Variants in MDN1 observed in about 807,000 individuals in gnomAD.
MDN1 encodes the protein midasin.
MDN1 carries 266 observed loss-of-function variants against 669.2 expected under a neutral mutation model. The ratio of observed to expected loss-of-function variants is 0.40; its 90% confidence interval spans 0.36 to 0.44. The LOEUF is 0.44. Among genes scored for constraint, MDN1 ranks in the 20% least tolerant of loss-of-function variants. The pLI is 1.00. For missense variants in MDN1, 5,940 were observed against 6,754.0 expected, an observed-to-expected ratio of 0.88 and a Z score of 4.22; for synonymous variants, 2,385 against 2,457.1, an observed-to-expected ratio of 0.97 and a Z score of 0.87.
intron 15 of MDN1, among the ~76,000 whole-genome samples, chr6:89,767,303 A>C (rs1817848437): frequency 2.0e-5 from 3 of 152,242 alleles, no homozygotes; most frequent in South Asian, 4.1e-4. Flanking sequence ...GCCAACACTA[A>C]TCAAAAAGCA....
intron 2 of MDN1, among the ~76,000 whole-genome samples, chr6:89,795,338 C>T (rs998384050): frequency 3.3e-5 from 5 of 151,918 alleles, no homozygotes; most frequent in African/African-American, 1.2e-4. Flanking sequence ...CATACACACA[C>T]GAGTCAACTG....
In MDN1 at chr6:89,701,616, C is replaced by G; in HGVS notation, c.8369G>C (p.Gly2790Ala). The G allele has an allele frequency of 6.2e-7, 1 of 1,614,150 alleles. No individual in the cohort carries two copies. The highest frequency in any genetic ancestry group is 2.2e-5 in the East Asian group (1 of 44,886). The change falls in exon 55 of 102, where the codon GGT becomes GCT. Residue 2790 changes from glycine to alanine, a missense_variant. Gly to Ala is a moderately conservative substitution (Grantham distance 60, BLOSUM62 0). Around this residue, in one of 5 missense-constraint regions of MDN1, gnomAD observed 2,292 missense variants for 2,638.3 expected, o/e 0.87. Transcript: ENST00000369393. ...HIQNCLGSQT[G>A]GFAGIKKLQK... Reference sequence around the variant, plus strand: ...CAACTTCTTTATACCAGCGAAGCCACCAGTCTGGCTCCCCAGACAATTCTG... The same window carrying G: ...CAACTTCTTTATACCAGCGAAGCCAGCAGTCTGGCTCCCCAGACAATTCTG...
rs1406645525 is a variant in MDN1 at position 89,696,497 on chromosome 6, G to A, written c.9246C>T (p.Pro3082=). The A allele has an allele frequency of 1.2e-6, 2 of 1,614,116 alleles. No homozygotes were observed. Among genetic ancestry groups the A allele is most frequent in the Admixed American group, 3.3e-5 (2 of 60,016 alleles). The change falls in exon 60 of 102, where the codon CCC becomes CCT. Residue 3082 remains proline, a synonymous_variant. Coordinates refer to ENST00000369393, the MANE Select transcript of MDN1 (RefSeq NM_014611.3). ...GAATGGGGAGGCCACTCACATCCCA[G>A]GGACTTGCTCTCCAGCTGCTGGTTA... ...EVLTSSWRAS[P]WDVSGLPILS... is the part of the protein sequence containing the mutation.
rs749304079 is a variant in MDN1 at position 89,650,757 on chromosome 6, C to G, written c.16006G>C (p.Glu5336Gln). The change falls in exon 96 of 102, where the codon GAG becomes CAG. Residue 5336 changes from glutamate to glutamine, a missense_variant. Coordinates refer to ENST00000369393, the MANE Select transcript of MDN1 (RefSeq NM_014611.3). ...RLCEELRLIL[E>Q]PTQAAKLKGD... The stretch of plus-strand genomic sequence containing the variant: ...TTCAGCTTGGCTGCCTGGGTAGGCT[C>G]TAATATGAGACGAAGCTCTTCACAT... The G allele has an allele frequency of 3.1e-6, 5 of 1,614,028 alleles. No homozygotes were observed. The highest frequency in any genetic ancestry group is 3.4e-6 in the Non-Finnish European group (4 of 1,179,962).
rs180841817 is a variant in MDN1 at position 89,785,832 on chromosome 6, T to C, written c.1335-706A>G. On this transcript the variant is annotated intron_variant, in intron 8 of 101. Coordinates refer to ENST00000369393, the MANE Select transcript of MDN1 (RefSeq NM_014611.3). ...GTGTTTGAATCTACCAGGGAAGAAC[T>C]TCACTATCTCTATAAATAAAATCAA... is the stretch of plus-strand genomic sequence containing the variant. Among the ~76,000 whole-genome samples, 5 of 152,312 alleles carry C rather than the reference T, an allele frequency of 3.3e-5. No individual in the cohort carries two copies. In the East Asian group the frequency reaches 7.7e-4, roughly 24 times the overall value.
intron 31 of MDN1, among the ~76,000 whole-genome samples, chr6:89,741,975 C>G (rs1317049363): frequency 6.6e-6 from 1 of 151,572 alleles, no homozygotes; most frequent in Non-Finnish European, 1.5e-5. Context: ...GTGACACATG[C>G]CTGTAGTCCC....
intron 99 of MDN1, among the ~76,000 whole-genome samples, chr6:89,647,267 C>G (rs1445940985): frequency 6.6e-6 from 1 of 152,144 alleles, no homozygotes; most frequent in Admixed American, 6.5e-5. Context: ...AAAGAGAAGG[C>G]AAGAAAATAC....
chr6:89,785,236 T>C, intron 8 of MDN1, 110 bp from the exon 9 acceptor site: 1 of 728,034 alleles, frequency 1.4e-6, no homozygotes, highest in Non-Finnish European at 2.4e-6. Flanking sequence ...AAAATATTCA[T>C]AATCCCTTCT....
intron 14 of MDN1, 53 bp from the exon 15 acceptor site, chr6:89,771,674 T>C: frequency 1.4e-6 from 2 of 1,432,894 alleles, no homozygotes; most frequent in Non-Finnish European, 2.0e-6. Flanking sequence ...AGACCGATAA[T>C]ATCCAGTGTG....
At chr6:89,744,706 ACT>A (rs1469022353) in intron 29 of MDN1, among the ~76,000 whole-genome samples, 5 of 151,796 alleles carry the variant, frequency 3.3e-5, no homozygotes, top group African/African-American at 1.2e-4. Flanking sequence ...ACCAGCTGAG[ACT>A]CTGACTTTAC....
At chr6:89,789,341 A>G (rs181703569) in intron 7 of MDN1, among the ~76,000 whole-genome samples, 238 of 152,116 alleles carry the variant, frequency 1.6e-3, no homozygotes, top group African/African-American at 5.3e-3. Flanking sequence ...AGGCAAGCAC[A>G]CTCTTATTAC....
chr6:89,755,730 AGAATT>A (rs1817210670), intron 20 of MDN1, among the ~76,000 whole-genome samples: 1 of 152,216 alleles, frequency 6.6e-6, no homozygotes, highest in African/African-American at 2.4e-5. Flanking sequence ...AACCAATACT[AGAATT>A]GAGGTTGTCT....
At chr6:89,691,161 TGA>T (rs1812354487) in intron 63 of MDN1, among the ~76,000 whole-genome samples, 2 of 152,078 alleles carry the variant, frequency 1.3e-5, no homozygotes, top group South Asian at 4.1e-4. Flanking sequence ...GGGTTGGCCA[TGA>T]GAGGGTTGTG....
chr6:89,748,330 A>G (rs1278113616), intron 26 of MDN1, among the ~76,000 whole-genome samples: 1 of 152,236 alleles, frequency 6.6e-6, no homozygotes, highest in Non-Finnish European at 1.5e-5. Context: ...GTCTCAAAAA[A>G]CAAACAAAAA....
In MDN1 at chr6:89,690,684, G is replaced by A; in HGVS notation, c.10738C>T (p.Leu3580=). 1 of 1,614,048 alleles carries A rather than the reference G, an allele frequency of 6.2e-7. No homozygotes were observed. The highest frequency in any genetic ancestry group is 1.1e-5 in the South Asian group (1 of 91,058). ...CATCACTGCTCTACCTTTTCATGCA[G>A]GGGGAACTGTTTTCTGAACTCCCGT... The part of the protein sequence containing the change: ...EEREFRKQFP[L]HEKDFADILV... Residue 3580 remains leucine (L), a synonymous_variant, in exon 64 of 102, where the codon CTG becomes TTG. Coordinates refer to ENST00000369393, the MANE Select transcript of MDN1 (RefSeq NM_014611.3).
At chr6:89,670,170 A>ATATTTTTTTTT (rs1444537561) in intron 83 of MDN1, among the ~76,000 whole-genome samples, 30 of 23,396 alleles carry the variant, frequency 1.3e-3, no homozygotes, top group African/African-American at 5.4e-3. Context: ...ATATATATAT[A>ATATTTTTTTTT]TTTTTTTTTT....
At position 89,758,977 on chromosome 6, in the gene MDN1, T is replaced by C. The variant is rs778721445; in HGVS notation, c.2461-17A>G. On this transcript the variant is annotated splice_polypyrimidine_tract_variant and intron_variant, in intron 17 of 101. Transcript: ENST00000369393. ...TAATGTACCCTAGAAAAAGATAAAA[T>C]AAAATGTTAACAATGTGTCAAATAA... 2 of 1,610,232 alleles carry C rather than the reference T, an allele frequency of 1.2e-6. No homozygotes were observed. The highest frequency in any genetic ancestry group is 1.1e-5 in the South Asian group (1 of 90,888).
chr6:89,663,651 C>G (rs1341110543), intron 85 of MDN1, among the ~76,000 whole-genome samples: 2 of 151,976 alleles, frequency 1.3e-5, no homozygotes, highest in Admixed American at 6.6e-5. Context: ...ATGAAAAAAG[C>G]AGGCCCAGTG....
intron 11 of MDN1, among the ~76,000 whole-genome samples, chr6:89,778,728 CA>C (rs547368139): frequency 6.7e-6 from 1 of 150,226 alleles, no homozygotes. Context: ...ACTAAAAATG[CA>C]AAAAAAATTA....
Sources: gnomAD v4.1 joint callset for allele counts (sites outside exome capture counted in the v4.1 genomes callset) on GRCh38, gnomAD v4.1.1 for gene constraint, gnomAD v4.1.1 regional missense constraint, MANE v1.5 for transcripts, NCBI Gene and HGNC (gene_info 2026-07-23, HGNC 2026-07-21) for gene names.